The following RBFOX1 variants were observed in gnomAD, a reference collection of about 807,000 sequenced individuals.
The protein encoded by RBFOX1 is RNA binding fox-1 homolog 1.
Under a neutral mutation model 57.7 loss-of-function variants are expected in RBFOX1, and 8 were observed. That is an observed-to-expected ratio of 0.14 (90% CI 0.08 to 0.25). RBFOX1 has a LOEUF of 0.25. Among genes scored for constraint, RBFOX1 ranks in the 10% least tolerant of loss-of-function variants. The pLI, the probability that RBFOX1 is intolerant of heterozygous loss-of-function variation, is 1.00. For missense variants in RBFOX1, 611 were observed against 548.5 expected (o/e 1.11, Z -1.14); for synonymous variants, 326 against 222.4 (o/e 1.47, Z -4.15).
Position 6,088,217 on chromosome 16 carries a change from G to T in RBFOX1, c.-127+68225G>T, listed in dbSNP as rs558041779. On this transcript the variant is annotated intron_variant, in intron 1 of 15. Coordinates refer to ENST00000550418, the MANE Select transcript of RBFOX1 (RefSeq NM_018723.4). ...TTCTTTCATTTTTTTTTTCTCAGCT[G>T]TATTGCCTCAGTTGGATCATATCTG... Among the ~76,000 whole-genome samples the T allele has an allele frequency of 1.7e-3, 256 of 151,156 alleles. 3 individuals are homozygous for T. Among genetic ancestry groups the T allele is most frequent in the African/African-American group, 5.3e-3 (220 of 41,150 alleles).
At chr16:6,078,853 A>G (rs941349111) in intron 1 of RBFOX1, among the ~76,000 whole-genome samples, 3 of 152,218 alleles carry the variant, frequency 2.0e-5, no homozygotes, top group Non-Finnish European at 4.4e-5. Flanking sequence ...GTAGATTTTC[A>G]TGGTTCTAAG....
intron 3 of RBFOX1, among the ~76,000 whole-genome samples, chr16:5,670,577 G>A (rs942424301): frequency 3.9e-5 from 6 of 152,186 alleles, no homozygotes; most frequent in African/African-American, 7.2e-5. Flanking sequence ...CTGAGGTCCT[G>A]GGTTTCTGTA....
rs139953920 is a variant in RBFOX1 at position 6,964,542 on chromosome 16, G to T, written c.-15-87515G>T. Among the ~76,000 whole-genome samples, 677 of 152,312 alleles carry T rather than the reference G, an allele frequency of 4.4e-3. 15 individuals carry two copies. The highest frequency in any genetic ancestry group is 0.04 in the Admixed American group (606 of 15,296). ...TTTTGTTAAGGGTGAAGCTATGCCT[G>T]TGTGGGGCCAGTGAGGGTATATGGG... On this transcript the variant is annotated intron_variant, in intron 3 of 15. Coordinates refer to ENST00000550418, the MANE Select transcript of RBFOX1 (RefSeq NM_018723.4).
At chr16:6,644,509 C>G (rs562307393) in intron 2 of RBFOX1, among the ~76,000 whole-genome samples, 39 of 152,314 alleles carry the variant, frequency 2.6e-4, no homozygotes, top group African/African-American at 9.1e-4. Flanking sequence ...TTGACTGTGT[C>G]TCCTCACACT....
intron 2 of RBFOX1, among the ~76,000 whole-genome samples, chr16:6,531,176 GC>G (rs1567577010): frequency 6.6e-6 from 1 of 152,154 alleles, no homozygotes; most frequent in South Asian, 2.1e-4. Context: ...TTCCCACTCT[GC>G]CCCCGGTTTT....
At chr16:5,788,754 C>T (rs1294820110) in intron 3 of RBFOX1, among the ~76,000 whole-genome samples, 1 of 152,280 alleles carries the variant, frequency 6.6e-6, no homozygotes, top group East Asian at 1.9e-4. Flanking sequence ...TTCACACACA[C>T]ACACAGCATC....
intron 3 of RBFOX1, among the ~76,000 whole-genome samples, chr16:5,734,604 G>A (rs1325199917): frequency 6.6e-6 from 1 of 152,096 alleles, no homozygotes; most frequent in African/African-American, 2.4e-5. Flanking sequence ...TCTTGCTCAG[G>A]TCCACTGATC....
At chr16:7,145,236 G>A (rs1365944740) in intron 4 of RBFOX1, among the ~76,000 whole-genome samples, 2 of 151,978 alleles carry the variant, frequency 1.3e-5, no homozygotes, top group African/African-American at 4.8e-5. Flanking sequence ...ATGGAGTCTT[G>A]CTCTGTTGCC....
intron 3 of RBFOX1, among the ~76,000 whole-genome samples, chr16:6,724,211 T>A (rs1479198499): frequency 1.3e-5 from 2 of 148,560 alleles, no homozygotes; most frequent in East Asian, 2.0e-4. Flanking sequence ...ATCTTCCATT[T>A]TTTTTTTTTT....
At chr16:6,621,860 A>C (rs1478017093) in intron 2 of RBFOX1, among the ~76,000 whole-genome samples, 1 of 152,200 alleles carries the variant, frequency 6.6e-6, no homozygotes, top group South Asian at 2.1e-4. Context: ...ACGCTTGACG[A>C]ACAAGGTTTG....
intron 2 of RBFOX1, among the ~76,000 whole-genome samples, chr16:6,372,071 T>C (rs1474280849): frequency 6.6e-6 from 1 of 152,106 alleles, no homozygotes; most frequent in African/African-American, 2.4e-5. Flanking sequence ...GTTAGGATCA[T>C]TGGGTAGGAG....
intron 2 of RBFOX1, among the ~76,000 whole-genome samples, chr16:6,410,086 T>A (rs139063275): frequency 2.4e-4 from 36 of 152,166 alleles, no homozygotes; most frequent in African/African-American, 7.7e-4. Flanking sequence ...CATCTCACAT[T>A]CCTGGAGTTT....
intron 3 of RBFOX1, among the ~76,000 whole-genome samples, chr16:7,042,455 T>G (rs1300666632): frequency 6.6e-6 from 1 of 152,180 alleles, no homozygotes; most frequent in Non-Finnish European, 1.5e-5. Flanking sequence ...GTGCCTCAGT[T>G]TTTCCACCTG....
At chr16:5,453,558 C>G (rs945916919) in intron 1 of RBFOX1, among the ~76,000 whole-genome samples, 2 of 152,098 alleles carry the variant, frequency 1.3e-5, no homozygotes, top group African/African-American at 4.8e-5. Context: ...GTTGTTCTGC[C>G]TTGGCTCAGA....
intron 4 of RBFOX1, among the ~76,000 whole-genome samples, chr16:7,297,606 C>T (rs2095924652): frequency 6.6e-6 from 1 of 152,072 alleles, no homozygotes; most frequent in South Asian, 2.1e-4. Flanking sequence ...AGCAGGTTTT[C>T]ATGTACTAGC....
chr16:5,471,480 G>A (rs1410682280), intron 2 of RBFOX1, among the ~76,000 whole-genome samples: 1 of 152,116 alleles, frequency 6.6e-6, no homozygotes, highest in Admixed American at 6.5e-5. Flanking sequence ...CCCTACCATT[G>A]CTGGCAGCCC....
At chr16:6,803,066 T>G (rs2154259303) in intron 3 of RBFOX1, among the ~76,000 whole-genome samples, 1 of 152,278 alleles carries the variant, frequency 6.6e-6, no homozygotes, top group Non-Finnish European at 1.5e-5. Flanking sequence ...AAATGTTACT[T>G]TGTGTGTGTG....
At chr16:7,187,770 C>G (rs1013763460) in intron 4 of RBFOX1, among the ~76,000 whole-genome samples, 1 of 147,114 alleles carries the variant, frequency 6.8e-6, no homozygotes, top group Non-Finnish European at 1.5e-5. Context: ...ACAAAAATCG[C>G]TCTCTGTAAA....
chr16:6,768,963 G>A (rs547935178), intron 3 of RBFOX1, among the ~76,000 whole-genome samples: 26 of 152,138 alleles, frequency 1.7e-4, no homozygotes, highest in South Asian at 2.1e-4. Context: ...TCCTGACCTC[G>A]TGATCTGCCT....
Sources: allele counts gnomAD v4.1 joint callset (sites outside exome capture counted in the v4.1 genomes callset), GRCh38; gene constraint gnomAD v4.1.1; transcripts MANE v1.5; gene names NCBI Gene and HGNC (gene_info 2026-07-23, HGNC 2026-07-21).